Variants in SCARB1 observed in about 807,000 individuals in gnomAD.
SCARB1 encodes CD36 and LIMPII analogous 1.
A neutral mutation model predicts 57.2 loss-of-function variants in SCARB1; 30 were observed. That is an observed-to-expected ratio of 0.52 (90% CI 0.39 to 0.71). The LOEUF (loss-of-function observed/expected upper bound fraction) is 0.71, where lower values mean the gene tolerates loss of function less well. Among genes scored for constraint, SCARB1 ranks in the 30% least tolerant of loss-of-function variants. The pLI, the probability that SCARB1 is intolerant of heterozygous loss-of-function variation, is 0.00. For missense variants in SCARB1, 543 were observed against 671.2 expected (o/e 0.81, Z 2.11); for synonymous variants, 249 against 268.3 (o/e 0.93, Z 0.70).
chr12:124,790,384 C>T (rs1949683159), intron 9 of SCARB1, among the ~76,000 whole-genome samples: 1 of 151,920 alleles, frequency 6.6e-6, no homozygotes, highest in African/African-American at 2.4e-5. Context: ...GTCTCAACAA[C>T]AACAACAACA....
chr12:124,792,935 A>G (rs936543301), intron 9 of SCARB1, among the ~76,000 whole-genome samples: 74 of 151,618 alleles, frequency 4.9e-4, no homozygotes, highest in Non-Finnish European at 9.9e-4. Context: ...CTGGTCACCC[A>G]CTTGGCCCCA....
intron 1 of SCARB1, among the ~76,000 whole-genome samples, chr12:124,856,094 G>A (rs1326289311): frequency 6.6e-6 from 1 of 152,254 alleles, no homozygotes; most frequent in African/African-American, 2.4e-5. Context: ...AAGGGACAGG[G>A]AATGTTTCCT....
chr12:124,806,018 G>A (rs543315255), intron 7 of SCARB1, among the ~76,000 whole-genome samples: 2 of 152,234 alleles, frequency 1.3e-5, no homozygotes, highest in East Asian at 3.9e-4. Flanking sequence ...GTGCAACCAA[G>A]GAACTGCCTT....
Position 124,863,616 on chromosome 12 carries a change from G to A in SCARB1, c.105C>T (p.Leu35=), listed in dbSNP as rs1952994119. Residue 35 remains leucine (L), a synonymous_variant, in exon 1 of 13, where the codon CTC becomes CTT. Coordinates refer to ENST00000261693, the MANE Select transcript of SCARB1 (RefSeq NM_005505.5). The stretch of plus-strand genomic sequence containing the variant: ...CCACCTTAAGGACCTGCTGCTTGAT[G>A]AGCGACGGCACCATCACGATCATGA... ...GAVMIVMVPS[L]IKQQVLKNVR... is the part of the protein sequence containing the mutation. The A allele has an allele frequency of 6.2e-7, 1 of 1,602,250 alleles. No homozygotes were observed. Among genetic ancestry groups the A allele is most frequent in the South Asian group, 1.1e-5 (1 of 89,360 alleles).
chr12:124,845,869 G>T (rs1194883774), intron 1 of SCARB1, among the ~76,000 whole-genome samples: 2 of 150,866 alleles, frequency 1.3e-5, no homozygotes, highest in Non-Finnish European at 2.9e-5. Flanking sequence ...AAAATTAGCC[G>T]GGTGTGGTGA....
chr12:124,835,917 C>T (rs948663579), intron 1 of SCARB1, among the ~76,000 whole-genome samples: 3 of 152,210 alleles, frequency 2.0e-5, no homozygotes, highest in Non-Finnish European at 4.4e-5. Context: ...CAGCTTGCAA[C>T]GGGCCCCACC....
intron 11 of SCARB1, chr12:124,786,025 C>T (rs1029351736): frequency 2.0e-5 from 30 of 1,486,956 alleles, no homozygotes; most frequent in Non-Finnish European, 2.6e-5. Context: ...CGTCCCCTCG[C>T]CCCTAACAGA....
At chr12:124,784,969 C>G (rs1390322318) in intron 11 of SCARB1, 1 of 152,276 alleles carries the variant, frequency 6.6e-6, no homozygotes, top group Non-Finnish European at 1.5e-5. Context: ...GTGCAAAGGG[C>G]CTTGCAGTGA....
Position 124,800,474 on chromosome 12 carries a change from G to C in SCARB1, c.1010-232C>G, listed in dbSNP as rs575030570. On this transcript the variant is annotated intron_variant, in intron 7 of 12. Coordinates refer to ENST00000261693, the MANE Select transcript of SCARB1 (RefSeq NM_005505.5). The surrounding 1 kb of genome is among the most constrained non-coding windows in gnomAD (Gnocchi z 4.8). ...GCAGGAGCCGCTGATTCTGACAGGA[G>C]AGACCAAAAGAAGGAAGAGGCCTCT... Among the ~76,000 whole-genome samples the C allele has an allele frequency of 1.3e-5, 2 of 152,358 alleles. No homozygotes were observed. The highest frequency in any genetic ancestry group is 3.9e-4 in the East Asian group (2 of 5,188).
intron 1 of SCARB1, among the ~76,000 whole-genome samples, chr12:124,841,687 G>A (rs548685881): frequency 6.6e-6 from 1 of 151,460 alleles, no homozygotes; most frequent in South Asian, 2.1e-4. Flanking sequence ...TCGCACCTCC[G>A]GCCTTTGAAC....
At chr12:124,835,784 G>A (rs951954444) in intron 1 of SCARB1, among the ~76,000 whole-genome samples, 3 of 152,182 alleles carry the variant, frequency 2.0e-5, no homozygotes, top group Non-Finnish European at 4.4e-5. Context: ...AAACCAGCAG[G>A]TAAATTCCTG....
chr12:124,851,546 G>T (rs1366966665), intron 1 of SCARB1, among the ~76,000 whole-genome samples: 1 of 151,716 alleles, frequency 6.6e-6, no homozygotes, highest in Non-Finnish European at 1.5e-5. Flanking sequence ...ATGGACCTCG[G>T]TCTCCTGACT....
rs549441863 is a variant in SCARB1, at chr12:124,819,776, G to T, written c.127-2069C>A. 2.0e-5 allele frequency among the ~76,000 whole-genome samples: 3 copies of T among 152,382 alleles called. No individual in the cohort carries two copies. In the East Asian group the frequency reaches 5.8e-4, roughly 29 times the overall value. On this transcript the variant is annotated intron_variant, in intron 1 of 12. Transcript: ENST00000261693. Reference sequence around the variant, plus strand: ...AGGAGGCAGACAGCTGAGCTGGCCAGTCAGGGCCAGCCCCATGTCCCCCGG... The same window carrying T: ...AGGAGGCAGACAGCTGAGCTGGCCATTCAGGGCCAGCCCCATGTCCCCCGG...
In SCARB1 at chr12:124,789,953, G is replaced by A. The variant is rs1399327275; in HGVS notation, c.1203-2496C>T. On this transcript the variant is annotated intron_variant, in intron 9 of 12. Coordinates refer to ENST00000261693, the MANE Select transcript of SCARB1 (RefSeq NM_005505.5). This position sits in a 1 kb window ranked among gnomAD's most constrained non-coding sequence, Gnocchi z 4.4. The stretch of plus-strand genomic sequence containing the variant: ...TTGAACCAGGGAGTCAGAGGTTGCA[G>A]TGAGCGGAGATCATGCCATTGCACT... Among the ~76,000 whole-genome samples the A allele has an allele frequency of 6.8e-6, 1 of 147,388 alleles. No individual in the cohort carries two copies. Among genetic ancestry groups the A allele is most frequent in the Non-Finnish European group, 1.5e-5 (1 of 67,920 alleles).
At chr12:124,855,067 C>CA (rs963167959) in intron 1 of SCARB1, among the ~76,000 whole-genome samples, 24 of 152,106 alleles carry the variant, frequency 1.6e-4, no homozygotes, top group Non-Finnish European at 2.8e-4. Context: ...CATCAGCAGG[C>CA]AAGAAGACAG....
chr12:124,863,687 C>G lies in SCARB1; in HGVS notation c.34G>C (p.Gly12Arg). 1 of 1,553,150 alleles carries G rather than the reference C, an allele frequency of 6.4e-7. No homozygotes were observed. The highest frequency in any genetic ancestry group is 8.7e-7 in the Non-Finnish European group (1 of 1,150,358). Reference protein sequence around the residue: ...GCSAKARWAAGALGVAGLLCA... With the variant: ...GCSAKARWAARALGVAGLLCA... ...AGTAGCCCCGCGACGCCCAGCGCCC[C>G]GGCAGCCCAGCGCGCTTTGGCGGAG... Residue 12 changes from glycine (G) to arginine (R), a missense_variant, in exon 1 of 13, where the codon GGG becomes CGG. Coordinates refer to ENST00000261693, the MANE Select transcript of SCARB1 (RefSeq NM_005505.5).
chr12:124,834,867 C>T (rs1231066290), intron 1 of SCARB1, among the ~76,000 whole-genome samples: 4 of 152,136 alleles, frequency 2.6e-5, no homozygotes, highest in Admixed American at 2.0e-4. Context: ...GTGATTGCAC[C>T]ACTACACTCC....
rs1950659718 is a variant in SCARB1 at position 124,815,138 on chromosome 12, G to C, written c.285-24C>G. ...CCCTGTGGGGGAAGCCAGTGGGTCA[G>C]ACGCCCCGCCCCGCTGCATGGGACG... On this transcript the variant is annotated intron_variant, in intron 2 of 12. Transcript: ENST00000261693. 5.0e-6 allele frequency: 8 copies of C among 1,611,490 alleles called. No individual in the cohort carries two copies. The East Asian group carries it at 1.8e-4, about 36-fold the overall frequency.
rs11057824 is a variant in SCARB1 at position 124,817,795 on chromosome 12, C to T, written c.127-88G>A. ...AGGCTCCGGAACAGCTGCCCGAGCC[C>T]GGCCAGGGAAGGGGCTCCTCGGCGG... is the stretch of plus-strand genomic sequence containing the variant. On this transcript the variant is annotated intron_variant, in intron 1 of 12. Transcript: ENST00000261693. This position sits in a 1 kb window ranked among gnomAD's most constrained non-coding sequence, Gnocchi z 4.8. The T allele has an allele frequency of 0.025, 35,853 of 1,461,012 alleles. 5,765 individuals carry two copies. The East Asian group carries it at 0.45, about 18-fold the overall frequency. The allele number at this position is 1,461,012 out of a possible 1,614,324, so 90.5% of individuals were successfully genotyped here.
Sources: gnomAD v4.1 joint callset for allele counts (sites outside exome capture counted in the v4.1 genomes callset) on GRCh38, gnomAD v4.1.1 for gene constraint, Gnocchi (gnomAD v3.1) non-coding constraint, MANE v1.5 for transcripts, NCBI Gene and HGNC (gene_info 2026-07-23, HGNC 2026-07-21) for gene names.